The following ADGRD1 variants were observed in gnomAD, a reference collection of about 807,000 sequenced individuals.
The protein encoded by ADGRD1 is G-protein coupled receptor 133.
Under a neutral mutation model 113.4 loss-of-function variants are expected in ADGRD1, and 77 were observed. The observed-to-expected ratio is 0.68, with a 90% CI of 0.57 to 0.82. The LOEUF is 0.82. Among genes scored for constraint, ADGRD1 ranks in the 40% least tolerant of loss-of-function variants. The probability of loss-of-function intolerance (pLI) is 0.00; values close to 1 mark genes in which losing one functional copy is unlikely to be tolerated. For missense variants in ADGRD1, 1,036 were observed against 1,139.1 expected (o/e 0.91, Z 1.30); for synonymous variants, 474 against 475.0 (o/e 1.00, Z 0.03).
intron 18 of ADGRD1, among the ~76,000 whole-genome samples, chr12:131,117,761 TG>T (rs1950503440): frequency 6.6e-6 from 1 of 152,298 alleles, no homozygotes; most frequent in South Asian, 2.1e-4. Context: ...GCTCAAATAC[TG>T]TAAGAATGTG....
chr12:131,123,709 C>G (rs1004371411), intron 20 of ADGRD1, among the ~76,000 whole-genome samples: 1 of 151,928 alleles, frequency 6.6e-6, no homozygotes, highest in Non-Finnish European at 1.5e-5. Flanking sequence ...GTAGTCCCAG[C>G]TACTCGGGAG....
At chr12:130,980,121 T>C (rs1415713122) in intron 4 of ADGRD1, among the ~76,000 whole-genome samples, 5 of 151,664 alleles carry the variant, frequency 3.3e-5, no homozygotes, top group Admixed American at 2.0e-4. Flanking sequence ...TTTTTTTTTT[T>C]TGAGACGGAG....
chr12:131,029,918 G>C (rs910832091), intron 13 of ADGRD1, among the ~76,000 whole-genome samples: 2 of 134,306 alleles, frequency 1.5e-5, no homozygotes, highest in East Asian at 4.4e-4. Flanking sequence ...ACATTCCCAG[G>C]CTCTGGGGTT....
intron 11 of ADGRD1, among the ~76,000 whole-genome samples, chr12:131,005,659 G>A (rs574537334): frequency 6.6e-6 from 1 of 152,226 alleles, no homozygotes; most frequent in East Asian, 1.9e-4. Flanking sequence ...TGCCCTGGGT[G>A]AGCCTGGCTC....
At chr12:131,132,578 C>T (rs879268414) in intron 21 of ADGRD1, among the ~76,000 whole-genome samples, 4 of 152,196 alleles carry the variant, frequency 2.6e-5, no homozygotes, top group African/African-American at 4.8e-5. Flanking sequence ...AGGCCGAGGT[C>T]GACTCTGCCC....
rs749172371 is a variant in ADGRD1, at chr12:131,003,069, C to T, written c.1027-116C>T. The T allele has an allele frequency of 1.0e-3, 850 of 841,376 alleles. 11 individuals are homozygous for T. The highest frequency in any genetic ancestry group is 7.1e-4 in the Middle Eastern group (3 of 4,212). 52.1% of individuals were successfully genotyped at this position (841,376 alleles called of 1,614,324 possible). A position where few individuals can be genotyped will look rare whatever the true frequency, so the allele number is the denominator to read the frequency against. On this transcript the variant is annotated intron_variant, in intron 9 of 24. Coordinates refer to ENST00000261654, the MANE Select transcript of ADGRD1 (RefSeq NM_198827.5). The surrounding 1 kb of genome is among the most constrained non-coding windows in gnomAD (Gnocchi z 4.8). Reference sequence around the variant, plus strand: ...ATGGGAAGGGGCAGTTGTGTGACTTCTTCCTCCCTCGTGGCCAACGTGGGG... The same window carrying T: ...ATGGGAAGGGGCAGTTGTGTGACTTTTTCCTCCCTCGTGGCCAACGTGGGG...
chr12:130,994,172 G>T (rs1350647830), intron 8 of ADGRD1: 1 of 398,454 alleles, frequency 2.5e-6, no homozygotes, highest in African/African-American at 2.0e-5. Flanking sequence ...CCCGCGGGGT[G>T]TTGGGTGGAA....
chr12:131,028,662 G>A (rs73166613), intron 13 of ADGRD1, among the ~76,000 whole-genome samples: 3,985 of 152,288 alleles, frequency 0.026, 60 homozygotes, highest in Non-Finnish European at 0.038. Flanking sequence ...AGACGGATAT[G>A]TAATTTACCC....
chr12:130,963,131 T>TA (rs972620638), intron 2 of ADGRD1: 1 of 151,932 alleles, frequency 6.6e-6, no homozygotes, highest in Non-Finnish European at 1.5e-5. Flanking sequence ...CCATGCTGGC[T>TA]AACACAGTGA....
At chr12:131,078,347 G>A (rs377052953) in intron 14 of ADGRD1, among the ~76,000 whole-genome samples, 1 of 152,206 alleles carries the variant, frequency 6.6e-6, no homozygotes, top group African/African-American at 2.4e-5. Flanking sequence ...GGCTATGGCC[G>A]TCGGCGTCTG....
intron 13 of ADGRD1, among the ~76,000 whole-genome samples, chr12:131,051,363 G>A (rs1297458325): frequency 1.3e-5 from 2 of 152,134 alleles, no homozygotes; most frequent in African/African-American, 4.8e-5. Flanking sequence ...GTATTCAAAT[G>A]GTAATTTTCC....
intron 18 of ADGRD1, among the ~76,000 whole-genome samples, chr12:131,109,646 C>T (rs1950307958): frequency 1.3e-5 from 2 of 152,126 alleles, no homozygotes; most frequent in South Asian, 4.2e-4. Flanking sequence ...TTGTTTTATG[C>T]CTTAGTAAGT....
At chr12:131,137,417 A>G (rs1033792467) in intron 23 of ADGRD1, among the ~76,000 whole-genome samples, 1 of 152,186 alleles carries the variant, frequency 6.6e-6, no homozygotes, top group Non-Finnish European at 1.5e-5. Flanking sequence ...GCGCAGGCTT[A>G]TTCTTTCGGT....
intron 13 of ADGRD1, chr12:131,025,482 T>C (rs1879832328): frequency 6.6e-6 from 1 of 151,910 alleles, no homozygotes. Flanking sequence ...ACATGGAGGC[T>C]GCAGGAATTT....
intron 13 of ADGRD1, among the ~76,000 whole-genome samples, chr12:131,067,994 C>A (rs1345988708): frequency 6.9e-6 from 1 of 145,094 alleles, no homozygotes; most frequent in East Asian, 2.1e-4. Context: ...CCTGATCCTT[C>A]TTCTGAGCAG....
At chr12:130,997,124 G>T (rs1875587880) in intron 8 of ADGRD1, among the ~76,000 whole-genome samples, 1 of 133,494 alleles carries the variant, frequency 7.5e-6, no homozygotes, top group Admixed American at 7.1e-5. Context: ...GGGGCGGCTG[G>T]CCGGGCGGGG....
At chr12:131,046,803 TCC>T in intron 13 of ADGRD1, among the ~76,000 whole-genome samples, 1 of 122,332 alleles carries the variant, frequency 8.2e-6, no homozygotes, top group Admixed American at 8.1e-5. Context: ...GTCAGTGTCC[TCC>T]CTGGGCAGTG....
At chr12:131,088,353 G>A (rs1044554298) in intron 15 of ADGRD1, among the ~76,000 whole-genome samples, 1 of 152,252 alleles carries the variant, frequency 6.6e-6, no homozygotes, top group Non-Finnish European at 1.5e-5. Context: ...CAGCAAGTCA[G>A]TGCACGCCAC....
At chr12:131,123,714 CGGG>C (rs1380823474) in intron 20 of ADGRD1, among the ~76,000 whole-genome samples, 1 of 151,276 alleles carries the variant, frequency 6.6e-6, no homozygotes, top group African/African-American at 2.4e-5. Context: ...CCCAGCTACT[CGGG>C]AGGCTGAGGC....
Sources: gnomAD v4.1 joint callset for allele counts (sites outside exome capture counted in the v4.1 genomes callset) on GRCh38, gnomAD v4.1.1 for gene constraint, Gnocchi (gnomAD v3.1) non-coding constraint, MANE v1.5 for transcripts, NCBI Gene and HGNC (gene_info 2026-07-23, HGNC 2026-07-21) for gene names.